ST18: variants seen among roughly 807,000 people sequenced by gnomAD.
ST18 encodes the protein ST18 C2H2C-type zinc finger transcription factor.
A neutral mutation model predicts 110.0 loss-of-function variants in ST18; 50 were observed. The ratio of observed to expected loss-of-function variants is 0.45; its 90% CI spans 0.36 to 0.58. ST18 has a LOEUF of 0.58. ST18 is among the 20% of genes least tolerant of loss of function. The pLI is 0.00. For missense variants in ST18, 1,306 were observed against 1,280.1 expected, an observed-to-expected ratio of 1.02 and a Z score of -0.31; for synonymous variants, 461 against 452.4, an observed-to-expected ratio of 1.02 and a Z score of -0.24.
At position 52,137,409 on chromosome 8, in the gene ST18, G is replaced by T. The variant is rs548725703; in HGVS notation, c.2231+12C>A. The T allele has an allele frequency of 1.1e-5, 18 of 1,613,806 alleles. No homozygotes were observed. Among genetic ancestry groups the T allele is most frequent in the African/African-American group, 2.7e-5 (2 of 74,902 alleles). Reference sequence around the variant, plus strand: ...CCATGAAAATCTGACTGCACATGAGGTCATTGGGTACCTGCGATGAGATGC... The same window carrying T: ...CCATGAAAATCTGACTGCACATGAGTTCATTGGGTACCTGCGATGAGATGC... On this transcript the variant is annotated intron_variant, in intron 18 of 25. Coordinates refer to ENST00000689386, the MANE Select transcript of ST18 (RefSeq NM_001352837.2).
chr8:52,239,738 C>T (rs550087930), intron 2 of ST18, among the ~76,000 whole-genome samples: 1 of 152,278 alleles, frequency 6.6e-6, no homozygotes, highest in East Asian at 1.9e-4. Context: ...TTCCCTCTCT[C>T]ACGCCTCCTA....
intron 23 of ST18, among the ~76,000 whole-genome samples, chr8:52,118,879 C>T (rs889459481): frequency 6.6e-6 from 1 of 152,152 alleles, no homozygotes; most frequent in Non-Finnish European, 1.5e-5. Flanking sequence ...GATTAAACCT[C>T]AAAGCCCTTG....
At chr8:52,264,120 AG>A (rs1005769003) in intron 2 of ST18, among the ~76,000 whole-genome samples, 1 of 152,148 alleles carries the variant, frequency 6.6e-6, no homozygotes, top group African/African-American at 2.4e-5. Context: ...ATTTTTTATA[AG>A]TGAAAACTAT....
At chr8:52,254,599 C>T (rs532812443) in intron 2 of ST18, among the ~76,000 whole-genome samples, 4 of 152,300 alleles carry the variant, frequency 2.6e-5, no homozygotes, top group African/African-American at 7.2e-5. Flanking sequence ...AATATCACTC[C>T]TCTGCAGCAG....
At chr8:52,132,239 C>G (rs1286127477) in intron 21 of ST18, 60 bp from the exon 22 acceptor site, 1 of 1,407,444 alleles carries the variant, frequency 7.1e-7, no homozygotes, top group Non-Finnish European at 9.6e-7. Flanking sequence ...CCTATGCTCT[C>G]CAGAGAACAA....
At chr8:52,139,861 C>G (rs192622748) in intron 17 of ST18, among the ~76,000 whole-genome samples, 54 of 152,208 alleles carry the variant, frequency 3.5e-4, no homozygotes, top group African/African-American at 1.2e-3. Context: ...GGGAAAGTTG[C>G]AGTTTGGAAT....
intron 2 of ST18, among the ~76,000 whole-genome samples, chr8:52,308,110 A>G (rs2095843870): frequency 6.6e-6 from 1 of 152,194 alleles, no homozygotes; most frequent in African/African-American, 2.4e-5. Context: ...CCCAGGGAGA[A>G]TGAATGAGCA....
At chr8:52,240,032 G>T (rs1397021418) in intron 2 of ST18, among the ~76,000 whole-genome samples, 1 of 152,066 alleles carries the variant, frequency 6.6e-6, no homozygotes, top group Non-Finnish European at 1.5e-5. Context: ...GGGCTCAAGA[G>T]ATCCACCCAC....
intron 2 of ST18, among the ~76,000 whole-genome samples, chr8:52,337,665 T>G (rs1407510582): frequency 6.6e-6 from 1 of 152,174 alleles, no homozygotes; most frequent in Non-Finnish European, 1.5e-5. Context: ...TGTAACTAAT[T>G]TATTCGGGCT....
At chr8:52,393,334 G>A (rs922244296) in intron 2 of ST18, among the ~76,000 whole-genome samples, 4 of 152,176 alleles carry the variant, frequency 2.6e-5, no homozygotes, top group Admixed American at 6.5e-5. Flanking sequence ...CACAACAGGC[G>A]AGAGAAATGT....
rs770143728 is a variant in ST18, at chr8:52,212,096, T to C, written c.69A>G (p.Ser23=). ...AATCTTACCTGAGCTCCTGGATTAGTGAATCCATTGGCACTGTTGACAAAA... is the reference window on the plus strand; with the variant it reads ...AATCTTACCTGAGCTCCTGGATTAGCGAATCCATTGGCACTGTTGACAAAA... ...RSKGTEVPMD[S]LIQELSVAYD... The change falls in exon 8 of 26, where the codon TCA becomes TCG. Residue 23 remains serine, a synonymous_variant. Transcript: ENST00000689386. 1 of 1,605,792 alleles carries C rather than the reference T, an allele frequency of 6.2e-7. No individual in the cohort carries two copies. Among genetic ancestry groups the C allele is most frequent in the South Asian group, 1.1e-5 (1 of 88,878 alleles).
intron 2 of ST18, among the ~76,000 whole-genome samples, chr8:52,355,951 C>T (rs1822539615): frequency 6.6e-6 from 1 of 152,090 alleles, no homozygotes; most frequent in Non-Finnish European, 1.5e-5. Context: ...AAGTATTGAG[C>T]ACAGCAGCCA....
intron 8 of ST18, among the ~76,000 whole-genome samples, chr8:52,191,716 G>C (rs1180601573): frequency 6.6e-6 from 1 of 152,160 alleles, no homozygotes; most frequent in Non-Finnish European, 1.5e-5. Flanking sequence ...CTTCCCAATG[G>C]GCAGAGATAT....
At chr8:52,180,071 G>A (rs1163525358) in intron 9 of ST18, 51 bp downstream of exon 9, 3 of 1,574,996 alleles carry the variant, frequency 1.9e-6, no homozygotes, top group Non-Finnish European at 1.7e-6. Context: ...AATTAGCACA[G>A]AGTCCTTGGA....
At chr8:52,186,568 A>T (rs1020794425) in intron 8 of ST18, among the ~76,000 whole-genome samples, 3 of 152,178 alleles carry the variant, frequency 2.0e-5, no homozygotes, top group African/African-American at 7.2e-5. Flanking sequence ...CTAAGTACAC[A>T]CCTGAAAGAG....
At chr8:52,394,010 G>A (rs1255381931) in intron 2 of ST18, 1 of 151,992 alleles carries the variant, frequency 6.6e-6, no homozygotes, top group Non-Finnish European at 1.5e-5. Flanking sequence ...ACAAGTGAAA[G>A]GCTACTGCCA....
intron 2 of ST18, among the ~76,000 whole-genome samples, chr8:52,366,436 C>G (rs1173992653): frequency 1.3e-5 from 2 of 152,330 alleles, no homozygotes; most frequent in Admixed American, 1.3e-4. Context: ...CCCTGTCTGT[C>G]TTTCCAGCCT....
chr8:52,195,381 T>A (rs2075876184), intron 8 of ST18, among the ~76,000 whole-genome samples: 1 of 152,076 alleles, frequency 6.6e-6, no homozygotes, highest in South Asian at 2.1e-4. Context: ...TACTTTCTTT[T>A]GAGTATATAA....
intron 6 of ST18, among the ~76,000 whole-genome samples, chr8:52,215,700 A>G (rs1001517856): frequency 2.6e-5 from 4 of 152,166 alleles, no homozygotes; most frequent in African/African-American, 9.7e-5. Context: ...ACAACAATAA[A>G]ACCGGGGTGA....
Sources: gnomAD v4.1 joint callset for allele counts (sites outside exome capture counted in the v4.1 genomes callset) on GRCh38, gnomAD v4.1.1 for gene constraint, MANE v1.5 for transcripts, NCBI Gene and HGNC (gene_info 2026-07-23, HGNC 2026-07-21) for gene names.